SMCHD1: variants seen among roughly 807,000 people sequenced by gnomAD.
The protein encoded by SMCHD1 is structural maintenance of chromosomes flexible hinge domain-containing protein 1.
In SMCHD1, 78 loss-of-function variants were observed where a neutral mutation model predicts 254.7. The observed-to-expected ratio is 0.31, with a 90% confidence interval of 0.26 to 0.37. The LOEUF is 0.37. SMCHD1 is among the 10% of genes least tolerant of loss of function. SMCHD1 has a pLI of 1.00. For synonymous variants in SMCHD1, 766 were observed against 794.9 expected, an observed-to-expected ratio of 0.96 and a Z score of 0.61; for missense variants, 1,840 against 2,408.1, an observed-to-expected ratio of 0.76 and a Z score of 4.94.
rs569893414 is a variant in SMCHD1 at position 2,801,973 on chromosome 18, T to G, written c.5994-555T>G. Reference sequence around the variant, plus strand: ...TAAATAATTTTCCACTTATAAAGATTAAAAATTAGTTCTGTTAAAAATATG... The same window carrying G: ...TAAATAATTTTCCACTTATAAAGATGAAAAATTAGTTCTGTTAAAAATATG... On this transcript the variant is annotated intron_variant, in intron 47 of 47. Transcript: ENST00000320876. 7.3e-5 allele frequency among the ~76,000 whole-genome samples: 11 copies of G among 150,050 alleles called. No homozygotes were observed. In the South Asian group the frequency reaches 2.4e-3, roughly 33 times the overall value.
chr18:2,726,545 A>T lies in SMCHD1; in HGVS notation c.2773+21A>T, dbSNP rs762767441. 8.8e-6 allele frequency: 10 copies of T among 1,136,712 alleles called. 1 individual carries two copies. The South Asian group carries it at 1.5e-4, about 17-fold the overall frequency. The allele number at this position is 1,136,712 out of a possible 1,614,324, so 70.4% of individuals were successfully genotyped here. ...ACCTGGTAATATTATTTCAAGAAAT[A>T]TAATTATTTAAAATAATTTTCTTAT... On this transcript the variant is annotated intron_variant, in intron 22 of 47. Coordinates refer to ENST00000320876, the MANE Select transcript of SMCHD1 (RefSeq NM_015295.3).
intron 17 of SMCHD1, among the ~76,000 whole-genome samples, chr18:2,717,887 T>G (rs551580573): frequency 1.3e-5 from 2 of 152,098 alleles, no homozygotes; most frequent in Non-Finnish European, 2.9e-5. Flanking sequence ...GTCATGTTAT[T>G]TGTCTTCTGT....
intron 30 of SMCHD1, among the ~76,000 whole-genome samples, 191 bp downstream of exon 30, chr18:2,747,838 TACA>T (rs1296038893): frequency 6.6e-6 from 1 of 152,210 alleles, no homozygotes; most frequent in African/African-American, 2.4e-5. Flanking sequence ...CTTACAGTAG[TACA>T]ACAAGGGGCC....
intron 45 of SMCHD1, among the ~76,000 whole-genome samples, chr18:2,785,638 ACT>A (rs1452653444): frequency 1.1e-5 from 1 of 94,906 alleles, no homozygotes; most frequent in Non-Finnish European, 1.9e-5. Flanking sequence ...GGCAACAGAG[ACT>A]CTGTCTCAAA....
intron 29 of SMCHD1, among the ~76,000 whole-genome samples, chr18:2,746,665 A>G (rs1211601495): frequency 1.3e-5 from 2 of 152,190 alleles, no homozygotes; most frequent in Non-Finnish European, 2.9e-5. Flanking sequence ...TCTGGTAACC[A>G]GCTACCTCAG....
In SMCHD1 at chr18:2,763,248, A is replaced by G. The variant is rs888402; in HGVS notation, c.4567-389A>G. Among the ~76,000 whole-genome samples the G allele has an allele frequency of 6.4e-3, 981 of 152,346 alleles. 7 individuals are homozygous for G. The highest frequency in any genetic ancestry group is 0.021 in the African/African-American group (891 of 41,584). On this transcript the variant is annotated intron_variant, in intron 36 of 47. Transcript: ENST00000320876. ...ACCGAACATTGTGAGAAACACATAT[A>G]GGCCTATTGGTTTTCAAATGTATAC...
At chr18:2,753,999 C>CT (rs1444954969) in intron 34 of SMCHD1, among the ~76,000 whole-genome samples, 3 of 151,954 alleles carry the variant, frequency 2.0e-5, no homozygotes, top group African/African-American at 7.3e-5. Context: ...TGTGAAGTGC[C>CT]TTTTTTGAGT....
intron 34 of SMCHD1, among the ~76,000 whole-genome samples, chr18:2,755,852 T>C (rs1055463679): frequency 1.3e-5 from 2 of 152,172 alleles, no homozygotes; most frequent in East Asian, 1.9e-4. Flanking sequence ...CAGGTGTGAA[T>C]CACCGCCCTC....
At chr18:2,754,816 G>T (rs897124130) in intron 34 of SMCHD1, among the ~76,000 whole-genome samples, 1 of 141,246 alleles carries the variant, frequency 7.1e-6, no homozygotes, top group Non-Finnish European at 1.5e-5. Flanking sequence ...ACAGTTATAC[G>T]TGGAATTGAT....
rs766177415 is a variant in SMCHD1 at position 2,738,564 on chromosome 18, T to A, written c.3425+19T>A. Reference sequence around the variant, plus strand: ...CAGTAAGGTTTGTGGACTCATTATATTTTGCAGCCTATGGCAACAAAATAC... The same window carrying A: ...CAGTAAGGTTTGTGGACTCATTATAATTTGCAGCCTATGGCAACAAAATAC... On this transcript the variant is annotated intron_variant, in intron 26 of 47. Coordinates refer to ENST00000320876, the MANE Select transcript of SMCHD1 (RefSeq NM_015295.3). 3.1e-6 allele frequency: 5 copies of A among 1,589,522 alleles called. No individual in the cohort carries two copies. In the Admixed American group the frequency reaches 9.0e-5, roughly 28 times the overall value.
chr18:2,698,702 G>A (rs1312296281), intron 10 of SMCHD1, among the ~76,000 whole-genome samples: 1 of 151,510 alleles, frequency 6.6e-6, no homozygotes, highest in Admixed American at 6.6e-5. Context: ...AGAGAGATAG[G>A]GATTTAACAA....
At chr18:2,694,772 C>G (rs917640889) in intron 8 of SMCHD1, 79 bp downstream of exon 8, 1 of 1,232,218 alleles carries the variant, frequency 8.1e-7, no homozygotes, top group African/African-American at 1.5e-5. Flanking sequence ...ATATTGAAGC[C>G]TCTTTGGTAT....
chr18:2,656,093 C>G lies in SMCHD1; in HGVS notation c.18C>G (p.Gly6=), dbSNP rs775034363. ...TCCCCAATATGGCAGCGGCGGACGG[C>G]GGCGGGCCTGGTGGGGCCTCTGTGG... MAAAD[G]GGPGGASVGT... Residue 6 remains glycine, a synonymous_variant, in exon 1 of 48, where the codon GGC becomes GGG. Transcript: ENST00000320876. The G allele has an allele frequency of 1.4e-6, 2 of 1,404,816 alleles. No homozygotes were observed. Among genetic ancestry groups the G allele is most frequent in the Non-Finnish European group, 1.9e-6 (2 of 1,077,188 alleles). 87.0% of individuals were successfully genotyped at this position (1,404,816 alleles called of 1,614,324 possible).
intron 1 of SMCHD1, among the ~76,000 whole-genome samples, chr18:2,658,850 G>A (rs71358789): frequency 2.0e-4 from 30 of 149,798 alleles, no homozygotes; most frequent in Admixed American, 6.7e-5. Context: ...ATATGTATAT[G>A]TATATATACA....
rs2074160386 is a variant in SMCHD1 at position 2,690,852 on chromosome 18, A to G, written c.873+2105A>G. Among the ~76,000 whole-genome samples the G allele has an allele frequency of 2.0e-5, 3 of 151,794 alleles. 1 individual carries two copies. Among genetic ancestry groups the G allele is most frequent in the African/African-American group, 7.3e-5 (3 of 41,352 alleles). On this transcript the variant is annotated intron_variant, in intron 7 of 47. Transcript: ENST00000320876. ...TGCTTGTCAGAAAGGTTAAACCCAA[A>G]GTCACATACACTTCCAACAACTGTA...
intron 22 of SMCHD1, 172 bp downstream of exon 22, chr18:2,726,696 T>C (rs2075033582): frequency 3.1e-6 from 1 of 324,032 alleles, no homozygotes; most frequent in Admixed American, 4.8e-5. Context: ...AAGGAAAACA[T>C]TTAGGAAGAT....
At position 2,698,028 on chromosome 18, in the gene SMCHD1, A is replaced by G. The variant is rs374141580; in HGVS notation, c.1329A>G (p.Pro443=). ...ATAGAGAAACTTACCCTGATGATCC[A>G]TGCTTTCCATCAAGTATGTTAATCT... ...LYDRETYPDD[P]CFPSKLKDED... is the part of the protein sequence containing the mutation. Residue 443 remains proline, a synonymous_variant, in exon 10 of 48, where the codon CCA becomes CCG. Coordinates refer to ENST00000320876, the MANE Select transcript of SMCHD1 (RefSeq NM_015295.3). 9 of 1,609,630 alleles carry G rather than the reference A, an allele frequency of 5.6e-6. No homozygotes were observed. The African/African-American group carries it at 8.0e-5, about 14-fold the overall frequency.
chr18:2,767,177 AAGCCT>A (rs564949539), intron 37 of SMCHD1, among the ~76,000 whole-genome samples: 35 of 151,960 alleles, frequency 2.3e-4, no homozygotes, highest in Non-Finnish European at 5.1e-4. Flanking sequence ...AAGATAGCTT[AAGCCT>A]GAGAGGTTGA....
At chr18:2,667,095 T>C (rs545855732) in intron 3 of SMCHD1, 64 bp downstream of exon 3, 126 of 1,132,922 alleles carry the variant, frequency 1.1e-4, no homozygotes, top group Non-Finnish European at 1.3e-4. Context: ...TGATTACGTA[T>C]CCCATTCCTT....
Sources: gnomAD v4.1 joint callset for allele counts (sites outside exome capture counted in the v4.1 genomes callset) on GRCh38, gnomAD v4.1.1 for gene constraint, MANE v1.5 for transcripts, NCBI Gene and HGNC (gene_info 2026-07-23, HGNC 2026-07-21) for gene names.